ZNF331: variants seen among roughly 807,000 people sequenced by gnomAD.
ZNF331 encodes C2H2-like zinc finger protein rearranged in thyroid adenomas.
Under a neutral mutation model 7.0 loss-of-function variants are expected in ZNF331, and 2 were observed. The observed-to-expected ratio is 0.29, with a 90% CI of 0.12 to 0.90. The LOEUF is 0.90. ZNF331 is among the 40% of genes least tolerant of loss of function. ZNF331 has a pLI of 0.58. For missense variants in ZNF331, 432 were observed against 587.7 expected (o/e 0.74, Z 2.74); for synonymous variants, 196 against 205.4 (o/e 0.95, Z 0.39).
At chr19:53,562,716 A>T (rs2089954839) in intron 3 of ZNF331, among the ~76,000 whole-genome samples, 1 of 151,446 alleles carries the variant, frequency 6.6e-6, no homozygotes, top group African/African-American at 2.4e-5. Context: ...AACTCCGGGC[A>T]CTGTGGCTCA....
chr19:53,553,682 A>T (rs535708520), intron 2 of ZNF331, among the ~76,000 whole-genome samples: 12 of 152,340 alleles, frequency 7.9e-5, no homozygotes, highest in Admixed American at 2.0e-4. Context: ...ACTGGGCATA[A>T]CTGCTGCCTG....
Position 53,580,039 on chromosome 19 carries a change from T to C in ZNF331, c.*2087T>C, listed in dbSNP as rs1381557286. 4.7e-6 allele frequency: 1 copy of C among 211,278 alleles called. No homozygotes were observed. Among genetic ancestry groups the C allele is most frequent in the African/African-American group, 2.3e-5 (1 of 44,082 alleles). 13.1% of individuals were successfully genotyped at this position (211,278 alleles called of 1,614,324 possible). ...TGTAGAGTAAAACCACAATGTGCTG[T>C]CACTCTAGACAGTCACCAGGATGAT... On this transcript the variant is annotated 3_prime_UTR_variant, in exon 6 of 6. Coordinates refer to ENST00000449416, the MANE Select transcript of ZNF331 (RefSeq NM_001079906.2).
intron 3 of ZNF331, among the ~76,000 whole-genome samples, chr19:53,557,785 G>C (rs944438063): frequency 6.6e-6 from 1 of 152,170 alleles, no homozygotes; most frequent in Non-Finnish European, 1.5e-5. Context: ...CCAGCATGGC[G>C]TAACCCTGTC....
chr19:53,507,081 C>A, the ZNF331 span, among the ~76,000 whole-genome samples: 454 of 152,196 alleles, frequency 3.0e-3, 2 homozygotes, highest in African/African-American at 0.011. Flanking sequence ...TTTTCCGGGG[C>A]AGGCTTATTG....
intron 2 of ZNF331, among the ~76,000 whole-genome samples, chr19:53,526,276 T>G (rs2708774): frequency 0.67 from 101,302 of 152,030 alleles, 34,768 homozygotes; most frequent in African/African-American, 0.84. Context: ...GGTCATGCTG[T>G]TCTTATAAAA....
chr19:53,550,041 C>T (rs1001734179), intron 2 of ZNF331, among the ~76,000 whole-genome samples: 1 of 152,142 alleles, frequency 6.6e-6, no homozygotes, highest in Non-Finnish European at 1.5e-5. Flanking sequence ...TTTTGATTTA[C>T]CTAAATTTCT....
At chr19:53,522,184 T>C (rs2087109623) in intron 1 of ZNF331, 1 of 151,996 alleles carries the variant, frequency 6.6e-6, no homozygotes, top group African/African-American at 2.4e-5. Flanking sequence ...AAAACTCACA[T>C]GCCTGTGCCC....
At position 53,577,629 on chromosome 19, in the gene ZNF331, T is replaced by C; in HGVS notation, c.1069T>C (p.Cys357Arg). Reference sequence around the variant, plus strand: ...ACATACGGGCGAGAAGCCGTACAAGTGCACAGAATGTGGGAAGGCCTTCAA... The same window carrying C: ...ACATACGGGCGAGAAGCCGTACAAGCGCACAGAATGTGGGAAGGCCTTCAA... The part of the protein sequence containing the change: ...RIHTGEKPYK[C>R]TECGKAFNCG... Residue 357 changes from cysteine to arginine, a missense_variant, in exon 6 of 6, where the codon TGC (cysteine) becomes CGC (arginine). Physicochemically the swap from Cys to Arg is radical, Grantham distance 180. Coordinates refer to ENST00000449416, the MANE Select transcript of ZNF331 (RefSeq NM_001079906.2). The C allele has an allele frequency of 6.2e-7, 1 of 1,613,676 alleles. No individual in the cohort carries two copies. The highest frequency in any genetic ancestry group is 1.3e-5 in the African/African-American group (1 of 74,860).
the ZNF331 span, among the ~76,000 whole-genome samples, chr19:53,511,340 C>T: frequency 5.9e-5 from 9 of 151,958 alleles, no homozygotes; most frequent in Non-Finnish European, 2.9e-5. Context: ...TAAAAGATTG[C>T]ATTATCGCAG....
At chr19:53,572,264 A>G (rs747345558) in intron 5 of ZNF331, among the ~76,000 whole-genome samples, 26 of 152,140 alleles carry the variant, frequency 1.7e-4, no homozygotes, top group Non-Finnish European at 3.4e-4. Flanking sequence ...TGTGAGTTAA[A>G]CATTGAATGA....
intron 2 of ZNF331, among the ~76,000 whole-genome samples, chr19:53,529,500 C>G (rs1190565850): frequency 6.6e-6 from 1 of 151,924 alleles, no homozygotes; most frequent in East Asian, 1.9e-4. Flanking sequence ...GTAGTTCAAT[C>G]ATCATTGGTA....
At chr19:53,510,093 G>A in the ZNF331 span, among the ~76,000 whole-genome samples, 2 of 152,140 alleles carry the variant, frequency 1.3e-5, no homozygotes, top group African/African-American at 4.8e-5. Flanking sequence ...ATTTGGGTGG[G>A]GACACAGAGT....
At chr19:53,508,578 C>T in the ZNF331 span, among the ~76,000 whole-genome samples, 79,523 of 151,758 alleles carry the variant, frequency 0.52, 21,277 homozygotes, top group African/African-American at 0.64. Context: ...TTCTTGACAG[C>T]CTCCAGGAAT....
At chr19:53,503,656 A>G in the ZNF331 span, 1 of 705,202 alleles carries the variant, frequency 1.4e-6, no homozygotes, top group Non-Finnish European at 2.6e-6. Flanking sequence ...GTGTCCACAG[A>G]GTTGTCAGGG....
Position 53,577,804 on chromosome 19 carries a change from A to G in ZNF331, c.1244A>G (p.Glu415Gly). ...GGGGTGAAACCCTATGGGTGTACAG[A>G]ATGTGGGAAGAGCTTTAGTCACGGC... The part of the protein sequence containing the change: ...HTGVKPYGCT[E>G]CGKSFSHGHQ... Residue 415 changes from glutamate (E) to glycine (G), a missense_variant, in exon 6 of 6, where the codon GAA (glutamate) becomes GGA (glycine). This residue lies in a region of ZNF331 where 312 missense variants were observed against 448.6 expected (regional missense o/e 0.70). Transcript: ENST00000449416. The G allele has an allele frequency of 1.2e-6, 2 of 1,614,118 alleles. No homozygotes were observed. The highest frequency in any genetic ancestry group is 1.7e-6 in the Non-Finnish European group (2 of 1,180,036).
chr19:53,518,403 A>T (rs1337533318), upstream of ZNF331, among the ~76,000 whole-genome samples: 1 of 152,086 alleles, frequency 6.6e-6, no homozygotes, highest in Non-Finnish European at 1.5e-5. Context: ...TTTTTTCCTC[A>T]GCTTGCAGAT....
chr19:53,538,095 C>CCCCTCCCGAGTCCGGG (rs1352564796), upstream of ZNF331: 2 of 152,320 alleles, frequency 1.3e-5, no homozygotes, highest in Non-Finnish European at 2.9e-5. Context: ...GCTGGGTGCG[C>CCCCTCCCGAGTCCGGG]GTGCGCATGC....
chr19:53,523,189 C>A (rs1366141390), intron 2 of ZNF331: 1 of 151,856 alleles, frequency 6.6e-6, no homozygotes, highest in Non-Finnish European at 1.5e-5. Flanking sequence ...GACATTTAAA[C>A]TCTACTCTCT....
upstream of ZNF331, among the ~76,000 whole-genome samples, chr19:53,519,697 T>C (rs1374664639): frequency 6.6e-6 from 1 of 152,138 alleles, no homozygotes; most frequent in Non-Finnish European, 1.5e-5. Flanking sequence ...CTCCCAAGTC[T>C]GGGACAGCAT....
Sources: gnomAD v4.1 joint callset for allele counts (sites outside exome capture counted in the v4.1 genomes callset) on GRCh38, gnomAD v4.1.1 for gene constraint, gnomAD v4.1.1 regional missense constraint, MANE v1.5 for transcripts, NCBI Gene and HGNC (gene_info 2026-07-23, HGNC 2026-07-21) for gene names.